The following RMDN2 variants were observed in gnomAD, a reference collection of about 807,000 sequenced individuals.
RMDN2 encodes the protein regulator of microtubule dynamics 2.
In RMDN2, 61 loss-of-function variants were observed where a neutral mutation model predicts 52.8. The ratio of observed to expected loss-of-function variants is 1.16; its 90% CI spans 0.94 to 1.43. The LOEUF is 1.43. Ranked by LOEUF, RMDN2 falls within the 40% of genes most tolerant of loss-of-function variation. The pLI is 0.00. For synonymous variants in RMDN2, 180 were observed against 153.1 expected (o/e 1.18, Z -1.30); for missense variants, 592 against 475.3 (o/e 1.25, Z -2.28).
intron 2 of RMDN2, among the ~76,000 whole-genome samples, chr2:37,971,794 C>G (rs928237914): frequency 1.3e-5 from 2 of 152,112 alleles, no homozygotes; most frequent in Admixed American, 6.6e-5. Context: ...AGTCTTCTCT[C>G]CTTGCTCCCT....
chr2:38,008,974 G>T (rs949154366), intron 10 of RMDN2, among the ~76,000 whole-genome samples: 11 of 152,136 alleles, frequency 7.2e-5, no homozygotes, highest in Non-Finnish European at 1.3e-4. Context: ...AGCTTAGTTT[G>T]GCTGGATATG....
chr2:37,981,448 C>T, intron 5 of RMDN2, 105 bp downstream of exon 5: 1 of 729,416 alleles, frequency 1.4e-6, no homozygotes, highest in Non-Finnish European at 2.4e-6. Context: ...ATCTGTCAGT[C>T]ACATTCACTG....
chr2:38,055,718 T>A (rs934551751), intron 10 of RMDN2, among the ~76,000 whole-genome samples: 1 of 152,160 alleles, frequency 6.6e-6, no homozygotes, highest in African/African-American at 2.4e-5. Context: ...TGTGTGTGTG[T>A]CTTTTAAAGA....
chr2:38,021,156 C>T (rs949764564), downstream of RMDN2, among the ~76,000 whole-genome samples: 12 of 152,162 alleles, frequency 7.9e-5, no homozygotes, highest in African/African-American at 2.4e-4. Context: ...GGAGAACCTT[C>T]ATGTCCACAC....
At chr2:38,006,005 A>G (rs1677027595) in intron 10 of RMDN2, among the ~76,000 whole-genome samples, 1 of 152,128 alleles carries the variant, frequency 6.6e-6, no homozygotes, top group Non-Finnish European at 1.5e-5. Flanking sequence ...CAAAGATCAG[A>G]TGGTTGTAGA....
chr2:37,954,257 C>T (rs1030004688), intron 2 of RMDN2, among the ~76,000 whole-genome samples: 2 of 151,962 alleles, frequency 1.3e-5, no homozygotes, highest in Admixed American at 6.6e-5. Context: ...AGTGCCACAT[C>T]CAATAAATCA....
In RMDN2 at chr2:38,004,695, C is replaced by CT. The variant is rs562275983; in HGVS notation, c.1179+490dup. Among the ~76,000 whole-genome samples, 951 of 146,536 alleles carry CT rather than the reference C, an allele frequency of 6.5e-3. 3 individuals carry two copies. Among genetic ancestry groups the CT allele is most frequent in the South Asian group, 0.016 (75 of 4,598 alleles). The stretch of plus-strand genomic sequence containing the variant: ...CTCCTTCTATGATGGAGTTTTCTTT[C>CT]TTTTTTTTTTTATTATACTTTAAGT... On this transcript the variant is annotated intron_variant, in intron 10 of 10. Transcript: ENST00000354545.
chr2:37,987,596 AAC>A (rs1200836092), intron 5 of RMDN2, among the ~76,000 whole-genome samples: 3 of 152,224 alleles, frequency 2.0e-5, no homozygotes, highest in Admixed American at 6.5e-5. Context: ...ACTTTTATGT[AAC>A]ACATTACAAC....
chr2:37,932,597 G>A (rs1182834339), intron 2 of RMDN2, among the ~76,000 whole-genome samples: 1 of 151,778 alleles, frequency 6.6e-6, no homozygotes, highest in Non-Finnish European at 1.5e-5. Flanking sequence ...CAGACGGGGT[G>A]GTGGCCGGGC....
In RMDN2 at chr2:38,010,603, G is replaced by T. The variant is rs145246116; in HGVS notation, c.1179+6387G>T. 3.3e-5 allele frequency among the ~76,000 whole-genome samples: 5 copies of T among 152,276 alleles called. No homozygotes were observed. The South Asian group carries it at 6.2e-4, about 19-fold the overall frequency. ...GGAGTGACCCGATCTTCCAGGTGCCGTTTGTCACCCCTTTCTTTGACTAGG... is the reference window on the plus strand; with the variant it reads ...GGAGTGACCCGATCTTCCAGGTGCCTTTTGTCACCCCTTTCTTTGACTAGG... On this transcript the variant is annotated intron_variant, in intron 10 of 10. Transcript: ENST00000354545.
In RMDN2 at chr2:37,935,026, A is replaced by C. The variant is rs76975627; in HGVS notation, c.452+5297A>C. 1.4e-3 allele frequency among the ~76,000 whole-genome samples: 218 copies of C among 152,284 alleles called. 5 individuals are homozygous for C. The East Asian group carries it at 0.037, about 26-fold the overall frequency. On this transcript the variant is annotated intron_variant, in intron 2 of 10. Coordinates refer to ENST00000354545, the MANE Select transcript of RMDN2 (RefSeq NM_001170791.3). ...ATAGATGAGTTTCAAAATTAGACTC[A>C]GGGTTGTATAGTGACCATATGGGTC...
intron 2 of RMDN2, 25 bp downstream of exon 2, chr2:37,929,754 A>G (rs540773002): frequency 1.4e-6 from 2 of 1,408,670 alleles, no homozygotes; most frequent in African/African-American, 1.5e-5. Flanking sequence ...GATATTTCCT[A>G]TGTTGAATTG....
chr2:38,018,025 T>G (rs1679036862), downstream of RMDN2, among the ~76,000 whole-genome samples: 1 of 152,224 alleles, frequency 6.6e-6, no homozygotes, highest in Non-Finnish European at 1.5e-5. Flanking sequence ...ATGTCATCAG[T>G]TAAGGCAGGG....
At chr2:38,003,330 A>G (rs1441924580) in intron 8 of RMDN2, among the ~76,000 whole-genome samples, 1 of 152,104 alleles carries the variant, frequency 6.6e-6, no homozygotes, top group Non-Finnish European at 1.5e-5. Flanking sequence ...AGGAGGGTGG[A>G]TCACCTGAGG....
intron 10 of RMDN2, among the ~76,000 whole-genome samples, chr2:38,042,936 A>G (rs1573219009): frequency 6.6e-6 from 1 of 152,278 alleles, no homozygotes; most frequent in East Asian, 1.9e-4. Flanking sequence ...CTCTCAGTGA[A>G]TGTTCCATGT....
At chr2:38,054,797 G>A (rs112418750) in intron 10 of RMDN2, among the ~76,000 whole-genome samples, 6 of 152,100 alleles carry the variant, frequency 3.9e-5, no homozygotes, top group South Asian at 2.1e-4. Flanking sequence ...CCCAGTGCAC[G>A]ACTCTGGACA....
rs76231587 is a variant in RMDN2 at position 38,017,277 on chromosome 2, T to C, written c.*38T>C. On this transcript the variant is annotated 3_prime_UTR_variant, in exon 11 of 11. Coordinates refer to ENST00000354545, the MANE Select transcript of RMDN2 (RefSeq NM_001170791.3). ...ACTCTTCAACAAATCAGATGTGGTC[T>C]ACCAAAATTTAAATGAATCAAAGTT... 1.4e-6 allele frequency: 2 copies of C among 1,480,974 alleles called. No individual in the cohort carries two copies. The highest frequency in any genetic ancestry group is 2.6e-5 in the East Asian group (1 of 39,200). 91.7% of individuals were successfully genotyped at this position (1,480,974 alleles called of 1,614,324 possible).
At chr2:37,986,885 G>C (rs944220553) in intron 5 of RMDN2, among the ~76,000 whole-genome samples, 3 of 152,094 alleles carry the variant, frequency 2.0e-5, no homozygotes, top group East Asian at 1.9e-4. Context: ...TGAGAAACTT[G>C]CTTTCCCACC....
chr2:38,025,342 G>A (rs755104645), intron 10 of RMDN2, among the ~76,000 whole-genome samples: 1 of 151,912 alleles, frequency 6.6e-6, no homozygotes, highest in East Asian at 1.9e-4. Context: ...GCATCCTGCA[G>A]CCTCTTTAAA....
Sources: allele counts gnomAD v4.1 joint callset (sites outside exome capture counted in the v4.1 genomes callset), GRCh38; gene constraint gnomAD v4.1.1; transcripts MANE v1.5; gene names NCBI Gene and HGNC (gene_info 2026-07-23, HGNC 2026-07-21).